The following PTPRK variants were observed in gnomAD, a reference collection of about 807,000 sequenced individuals.
The protein encoded by PTPRK is receptor-type tyrosine-protein phosphatase kappa.
PTPRK carries 75 observed loss-of-function variants against 178.0 expected under a neutral mutation model. The observed-to-expected ratio is 0.42, with a 90% confidence interval of 0.35 to 0.51. The LOEUF (loss-of-function observed/expected upper bound fraction) is 0.51. PTPRK is among the 20% of genes least tolerant of loss of function. The pLI is 0.02. For missense variants in PTPRK, 1,441 were observed against 1,797.8 expected (o/e 0.80, Z 3.59); for synonymous variants, 637 against 620.6 (o/e 1.03, Z -0.39).
At chr6:128,013,307 C>T (rs1011577077) in intron 13 of PTPRK, among the ~76,000 whole-genome samples, 2 of 151,404 alleles carry the variant, frequency 1.3e-5, no homozygotes, top group Non-Finnish European at 3.0e-5. Flanking sequence ...TACTTTCTGG[C>T]TTGGTGATCT....
intron 5 of PTPRK, chr6:128,238,195 AAAAAAAAG>A (rs772799596): frequency 4.7e-5 from 19 of 404,364 alleles, no homozygotes; most frequent in East Asian, 1.7e-4. Context: ...CAAAAAAAAA[AAAAAAAAG>A]AAAAGAAAAA....
chr6:128,312,748 T>C (rs990677611), intron 3 of PTPRK, among the ~76,000 whole-genome samples: 1 of 152,090 alleles, frequency 6.6e-6, no homozygotes, highest in African/African-American at 2.4e-5. Flanking sequence ...AGTATAAAAT[T>C]GTTTTCATTT....
intron 13 of PTPRK, among the ~76,000 whole-genome samples, chr6:128,057,798 C>T (rs902229879): frequency 2.6e-5 from 4 of 152,064 alleles, no homozygotes; most frequent in Non-Finnish European, 5.9e-5. Context: ...AGGGTAGTCT[C>T]GGGAACCCCT....
intron 15 of PTPRK, among the ~76,000 whole-genome samples, chr6:128,000,771 C>A (rs187668408): frequency 2.6e-5 from 4 of 152,120 alleles, no homozygotes; most frequent in Admixed American, 2.6e-4. Context: ...CAGATAACGT[C>A]AGAGAGGCAA....
intron 2 of PTPRK, among the ~76,000 whole-genome samples, chr6:128,373,694 C>T (rs941176034): frequency 6.6e-6 from 1 of 151,904 alleles, no homozygotes; most frequent in Non-Finnish European, 1.5e-5. Context: ...GGTAACTATG[C>T]GATCAATATG....
chr6:128,357,176 T>G (rs541252047), intron 2 of PTPRK, among the ~76,000 whole-genome samples: 1 of 152,306 alleles, frequency 6.6e-6, no homozygotes, highest in African/African-American at 2.4e-5. Flanking sequence ...TCCTTCACAT[T>G]TTCTTTTGCC....
chr6:128,424,100 G>A (rs893526708), intron 1 of PTPRK, among the ~76,000 whole-genome samples: 3 of 151,758 alleles, frequency 2.0e-5, no homozygotes, highest in Non-Finnish European at 2.9e-5. Flanking sequence ...AGGCATGCTG[G>A]CAGGTGCCTG....
chr6:128,422,676 CAAAAAAAAAAAAAAAAAA>C (rs750423577), intron 1 of PTPRK, among the ~76,000 whole-genome samples: 8 of 14,716 alleles, frequency 5.4e-4, no homozygotes, highest in Admixed American at 3.8e-3. Context: ...TTCACGGACG[CAAAAAAAAAAAAAAAAAA>C]AAAAAAAAAA....
intron 6 of PTPRK, among the ~76,000 whole-genome samples, chr6:128,194,548 G>A (rs929137345): frequency 6.6e-6 from 1 of 152,078 alleles, no homozygotes; most frequent in African/African-American, 2.4e-5. Flanking sequence ...CCTCATTTCA[G>A]CTTTGTCAGA....
At chr6:128,139,772 C>T (rs1795516811) in intron 7 of PTPRK, among the ~76,000 whole-genome samples, 1 of 152,016 alleles carries the variant, frequency 6.6e-6, no homozygotes, top group African/African-American at 2.4e-5. Context: ...CTGAAGAGTC[C>T]ATGAGAATAG....
intron 3 of PTPRK, among the ~76,000 whole-genome samples, chr6:128,288,106 T>A (rs1583917346): frequency 6.6e-6 from 1 of 152,316 alleles, no homozygotes; most frequent in Non-Finnish European, 1.5e-5. Flanking sequence ...ATTCTTCAGA[T>A]TTCTGGCTCT....
intron 13 of PTPRK, among the ~76,000 whole-genome samples, chr6:128,040,327 A>T (rs976465211): frequency 6.6e-6 from 1 of 152,146 alleles, no homozygotes; most frequent in Non-Finnish European, 1.5e-5. Context: ...CAAAACCAAG[A>T]TGATGGTGAT....
intron 1 of PTPRK, among the ~76,000 whole-genome samples, chr6:128,432,711 G>A (rs542430229): frequency 6.7e-6 from 1 of 150,364 alleles, no homozygotes; most frequent in African/African-American, 2.5e-5. Flanking sequence ...CTAAACCAAT[G>A]TTACCCCTAC....
intron 1 of PTPRK, among the ~76,000 whole-genome samples, chr6:128,509,274 A>G (rs1856829092): frequency 6.6e-6 from 1 of 152,196 alleles, no homozygotes; most frequent in African/African-American, 2.4e-5. Context: ...ACTACCTGGT[A>G]GCATTAAAGT....
intron 1 of PTPRK, among the ~76,000 whole-genome samples, chr6:128,444,314 C>A (rs1424395927): frequency 6.6e-6 from 1 of 152,274 alleles, no homozygotes; most frequent in African/African-American, 2.4e-5. Flanking sequence ...TCCCCCGATT[C>A]CCATCCCCAG....
intron 5 of PTPRK, among the ~76,000 whole-genome samples, chr6:128,219,712 A>G (rs1278839692): frequency 6.6e-6 from 1 of 152,206 alleles, no homozygotes; most frequent in Admixed American, 6.5e-5. Flanking sequence ...AAGGCAAATG[A>G]TTCATTGCCC....
intron 7 of PTPRK, among the ~76,000 whole-genome samples, chr6:128,125,411 G>A (rs776337127): frequency 6.6e-6 from 1 of 151,910 alleles, no homozygotes; most frequent in Admixed American, 6.6e-5. Flanking sequence ...TAAGACACCT[G>A]CCTCCCTTTT....
intron 2 of PTPRK, among the ~76,000 whole-genome samples, chr6:128,363,988 T>C (rs770511159): frequency 1.3e-5 from 2 of 152,096 alleles, no homozygotes; most frequent in Non-Finnish European, 2.9e-5. Flanking sequence ...AAGGAATAGA[T>C]ATTTAACTGT....
intron 8 of PTPRK, 137 bp downstream of exon 8, chr6:128,089,553 A>G (rs1387641447): frequency 2.1e-6 from 2 of 974,372 alleles, no homozygotes; most frequent in Non-Finnish European, 3.0e-6. Flanking sequence ...ATTTTTTTCC[A>G]AAGTTAATCT....
Sources: allele counts gnomAD v4.1 joint callset (sites outside exome capture counted in the v4.1 genomes callset), GRCh38; gene constraint gnomAD v4.1.1; transcripts MANE v1.5; gene names NCBI Gene and HGNC (gene_info 2026-07-23, HGNC 2026-07-21).